The following PYGL variants were observed in gnomAD, a reference collection of about 807,000 sequenced individuals.
PYGL encodes glycogen phosphorylase, liver form.
In PYGL, 90 loss-of-function variants were observed where a neutral mutation model predicts 100.1. The ratio of observed to expected loss-of-function variants is 0.90; its 90% CI spans 0.76 to 1.07. The LOEUF (loss-of-function observed/expected upper bound fraction) is 1.07, where lower values mean the gene tolerates loss of function less well. Ranked by LOEUF, PYGL falls within the 50% of genes least tolerant of loss-of-function variation. The pLI is 0.00. For synonymous variants in PYGL, 373 were observed against 393.0 expected (o/e 0.95, Z 0.60); for missense variants, 1,016 against 1,057.6 (o/e 0.96, Z 0.55).
chr14:50,914,559 A>C (rs1257603606), intron 12 of PYGL, 142 bp downstream of exon 12: 2 of 678,010 alleles, frequency 2.9e-6, no homozygotes, highest in Non-Finnish European at 2.7e-6. Context: ...AATTAAACCC[A>C]GCATGGAGTC....
Position 50,920,761 on chromosome 14 carries a change from G to A in PYGL, c.773-138C>T, listed in dbSNP as rs530132746. The A allele has an allele frequency of 5.8e-3, 6,259 of 1,074,006 alleles. 26 individuals carry two copies. Among genetic ancestry groups the A allele is most frequent in the Non-Finnish European group, 7.8e-3 (5,571 of 711,600 alleles). 66.5% of individuals were successfully genotyped at this position (1,074,006 alleles called of 1,614,324 possible). ...AAATCCCAAAGGATTTCAACACACCGTCATGCTGGACTTCACATGAGAATT... is the reference window on the plus strand; with the variant it reads ...AAATCCCAAAGGATTTCAACACACCATCATGCTGGACTTCACATGAGAATT... On this transcript the variant is annotated intron_variant, in intron 6 of 19. Transcript: ENST00000216392.
chr14:50,917,354 T>G (rs750257869), intron 7 of PYGL, among the ~76,000 whole-genome samples: 23 of 152,124 alleles, frequency 1.5e-4, no homozygotes, highest in Non-Finnish European at 2.9e-4. Flanking sequence ...AGCAACAACC[T>G]TTTAGAGGCT....
At chr14:50,937,921 A>G in intron 1 of PYGL, 84 bp from the exon 2 acceptor site, 1 of 1,216,942 alleles carries the variant, frequency 8.2e-7, no homozygotes, top group South Asian at 1.2e-5. Context: ...GTGTTAGGTC[A>G]CCAATAAGAA....
At position 50,944,480 on chromosome 14, in the gene PYGL, G is replaced by A. The variant is rs987068471; in HGVS notation, c.-77C>T. The A allele has an allele frequency of 4.1e-6, 6 of 1,480,524 alleles. No homozygotes were observed. The Admixed American group carries it at 1.2e-4, about 29-fold the overall frequency. 91.7% of individuals were successfully genotyped at this position (1,480,524 alleles called of 1,614,324 possible). ...CCGGAGGCGCTGGGCTGCCGGGCAGGGGTGGAGTCCGCCCCGCCGCGCCAG... is the reference window on the plus strand; with the variant it reads ...CCGGAGGCGCTGGGCTGCCGGGCAGAGGTGGAGTCCGCCCCGCCGCGCCAG... On this transcript the variant is annotated 5_prime_UTR_variant, in exon 1 of 20. Transcript: ENST00000216392.
In PYGL at chr14:50,913,044, G is replaced by A. The variant is rs754711687; in HGVS notation, c.1605C>T (p.Leu535=). 61 of 1,613,824 alleles carry A rather than the reference G, an allele frequency of 3.8e-5. No individual in the cohort carries two copies. Among genetic ancestry groups the A allele is most frequent in the African/African-American group, 5.3e-5 (4 of 74,924 alleles). The change falls in exon 13 of 20, where the codon CTC becomes CTT. Residue 535 remains leucine (L), a synonymous_variant. Transcript: ENST00000216392. ...GAAGGCTCACCTGCTTCACCTTGGC[G>A]AGTTCCCGGAGGAAGACATCATCAC... ...FLGDDVFLRE[L]AKVKQENKLK...
rs1251365024 is a variant in PYGL, at chr14:50,915,458, T to C, written c.1281A>G (p.Arg427=). The C allele has an allele frequency of 3.1e-6, 5 of 1,614,088 alleles. No individual in the cohort carries two copies. The South Asian group carries it at 5.5e-5, about 18-fold the overall frequency. ...CTTCCTCTTCTATCAGAGACATCCT[T>C]CTCAGACGGTCCACATCTTTAGGAA... ...ALFPKDVDRL[R]RMSLIEEEGS... Residue 427 remains arginine, a synonymous_variant, in exon 11 of 20, where the codon AGA becomes AGG. Coordinates refer to ENST00000216392, the MANE Select transcript of PYGL (RefSeq NM_002863.5).
intron 7 of PYGL, among the ~76,000 whole-genome samples, chr14:50,917,898 C>A (rs895220357): frequency 5.3e-5 from 8 of 152,140 alleles, no homozygotes; most frequent in African/African-American, 1.7e-4. Flanking sequence ...CCTGTCTTTA[C>A]CTGGTCGTAG....
intron 16 of PYGL, among the ~76,000 whole-genome samples, chr14:50,910,590 C>T (rs2050385189): frequency 6.6e-6 from 1 of 152,046 alleles, no homozygotes; most frequent in Non-Finnish European, 1.5e-5. Flanking sequence ...CAAGTAGCTG[C>T]AATTACAAGC....
intron 19 of PYGL, among the ~76,000 whole-genome samples, 177 bp from the exon 20 acceptor site, chr14:50,905,733 C>T (rs1043639986): frequency 5.3e-5 from 8 of 152,168 alleles, no homozygotes; most frequent in Non-Finnish European, 7.4e-5. Context: ...GCACTTTTCT[C>T]ATATTTAGAG....
intron 10 of PYGL, 118 bp from the exon 11 acceptor site, chr14:50,915,617 A>G: frequency 6.9e-7 from 1 of 1,453,026 alleles, no homozygotes; most frequent in Admixed American, 1.9e-5. Context: ...TCACTACCAC[A>G]GGGAGGGGTT....
At position 50,935,299 on chromosome 14, in the gene PYGL, T is replaced by C. The variant is rs553109239; in HGVS notation, c.346-114A>G. The C allele has an allele frequency of 6.4e-4, 543 of 851,264 alleles. 8 individuals carry two copies. The South Asian group carries it at 7.4e-3, about 12-fold the overall frequency. 52.7% of individuals were successfully genotyped at this position (851,264 alleles called of 1,614,324 possible). A position where few individuals can be genotyped will look rare whatever the true frequency, so the allele number is the denominator to read the frequency against. On this transcript the variant is annotated intron_variant, in intron 2 of 19. Transcript: ENST00000216392. ...TATTCAGGTTTAGCTGTGTACCTAA[T>C]CTAGCGTCAGCTCCCTTGCAGCTTG...
intron 19 of PYGL, 135 bp downstream of exon 19, chr14:50,908,136 G>C (rs1406108269): frequency 1.8e-6 from 1 of 552,560 alleles, no homozygotes; most frequent in East Asian, 3.6e-5. Flanking sequence ...GTTTGTTTTT[G>C]TTGTTTTTTT....
At chr14:50,944,017 C>T in intron 1 of PYGL, 144 bp downstream of exon 1, 1 of 1,173,526 alleles carries the variant, frequency 8.5e-7, no homozygotes, top group Middle Eastern at 2.8e-4. Context: ...CCGCCCACAG[C>T]CTAGACACGT....
In PYGL at chr14:50,908,931, C is replaced by G. The variant is rs1213077044; in HGVS notation, c.2202G>C (p.Glu734Asp). The stretch of plus-strand genomic sequence containing the variant: ...TGACCAGCTTCAGCTCTGGAAGTGC[C>G]TCATAGTATTCTTTTGCCTCGTACC... ...KKGYEAKEYY[E>D]ALPELKLVID... is the part of the protein sequence containing the mutation. Residue 734 changes from glutamate to aspartate, a missense_variant, in exon 18 of 20, where the codon GAG becomes GAC. Transcript: ENST00000216392. 5.1e-6 allele frequency: 8 copies of G among 1,563,950 alleles called. No homozygotes were observed. The highest frequency in any genetic ancestry group is 6.1e-6 in the Non-Finnish European group (7 of 1,143,244).
intron 3 of PYGL, among the ~76,000 whole-genome samples, chr14:50,932,147 T>G (rs1396261565): frequency 6.6e-6 from 1 of 152,130 alleles, no homozygotes; most frequent in Admixed American, 6.5e-5. Flanking sequence ...GCTGTCTCTA[T>G]CCTCCCCTAA....
intron 12 of PYGL, among the ~76,000 whole-genome samples, chr14:50,913,754 A>C (rs998894771): frequency 2.0e-5 from 3 of 152,024 alleles, no homozygotes; most frequent in Admixed American, 6.6e-5. Context: ...CAATGTCGTG[A>C]TCATAGCTCA....
chr14:50,944,352 C>A lies in PYGL; in HGVS notation c.52G>T (p.Gly18Cys), dbSNP rs781203351. 2 of 1,613,746 alleles carry A rather than the reference C, an allele frequency of 1.2e-6. No individual in the cohort carries two copies. Among genetic ancestry groups the A allele is most frequent in the East Asian group, 2.2e-5 (1 of 44,868 alleles). The change falls in exon 1 of 20, where the codon GGC becomes TGC. Residue 18 changes from glycine to cysteine, a missense_variant. By Grantham distance (159) the Gly-to-Cys change is radical. Coordinates refer to ENST00000216392, the MANE Select transcript of PYGL (RefSeq NM_002863.5). The part of the protein sequence containing the change: ...QEKRRQISIR[G>C]IVGVENVAEL... ...GCCACGTTCTCCACGCCCACGATGC[C>A]GCGGATGCTGATCTGCCGCCGCTTC...
In PYGL at chr14:50,921,008, G is replaced by T. The variant is rs1490364891; in HGVS notation, c.720C>A (p.Asn240Lys). Residue 240 changes from asparagine to lysine, a missense_variant, in exon 6 of 20, where the codon AAC becomes AAA. By Grantham distance (94) the Asn-to-Lys change is moderately conservative (BLOSUM62 0). Transcript: ENST00000216392. ...PVPGYMNNTV[N>K]TMRLWSARAP... ...CCCGAGCAGACCAGAGGCGCATGGT[G>T]TTGACAGTGTTATTCATGTAGCCGG... The T allele has an allele frequency of 6.2e-7, 1 of 1,614,132 alleles. No individual in the cohort carries two copies. Among genetic ancestry groups the T allele is most frequent in the Non-Finnish European group, 8.5e-7 (1 of 1,180,048 alleles).
chr14:50,912,424 T>G, intron 13 of PYGL, 121 bp from the exon 14 acceptor site: 4 of 1,281,206 alleles, frequency 3.1e-6, no homozygotes, highest in Non-Finnish European at 4.5e-6. Context: ...AGTGGCATGA[T>G]CTCAGATCAC....
Sources: gnomAD v4.1 joint callset for allele counts (sites outside exome capture counted in the v4.1 genomes callset) on GRCh38, gnomAD v4.1.1 for gene constraint, MANE v1.5 for transcripts, NCBI Gene and HGNC (gene_info 2026-07-23, HGNC 2026-07-21) for gene names.